LHFPL3: variants seen among roughly 807,000 people sequenced by gnomAD.
LHFPL3 encodes the protein LHFPL tetraspan subfamily member 3 protein.
Under a neutral mutation model 19.3 loss-of-function variants are expected in LHFPL3, and 5 were observed. The ratio of observed to expected loss-of-function variants is 0.26; its 90% CI spans 0.14 to 0.54. The LOEUF (loss-of-function observed/expected upper bound fraction) is 0.54. Ranked by LOEUF, LHFPL3 falls within the 20% of genes least tolerant of loss-of-function variation. The pLI, the probability that LHFPL3 is intolerant of heterozygous loss-of-function variation, is 0.94. For synonymous variants in LHFPL3, 133 were observed against 126.2 expected (o/e 1.05, Z -0.36); for missense variants, 249 against 307.4 (o/e 0.81, Z 1.42).
intron 1 of LHFPL3, among the ~76,000 whole-genome samples, chr7:104,412,232 T>C (rs1371283373): frequency 3.3e-5 from 5 of 152,138 alleles, no homozygotes; most frequent in Non-Finnish European, 7.3e-5. Flanking sequence ...AGCAATCCCT[T>C]GAGGGGGTGT....
intron 1 of LHFPL3, among the ~76,000 whole-genome samples, chr7:104,527,854 G>C (rs761653476): frequency 6.6e-6 from 1 of 152,184 alleles, no homozygotes; most frequent in African/African-American, 2.4e-5. Flanking sequence ...ATTTACTACT[G>C]TCTCCCCACC....
At chr7:104,729,093 C>G (rs1212642547) in intron 1 of LHFPL3, among the ~76,000 whole-genome samples, 2 of 152,152 alleles carry the variant, frequency 1.3e-5, no homozygotes, top group African/African-American at 4.8e-5. Flanking sequence ...TCCAGGATTT[C>G]TTAATTTCCA....
chr7:104,374,752 T>C (rs114351855), intron 1 of LHFPL3, among the ~76,000 whole-genome samples: 194 of 152,272 alleles, frequency 1.3e-3, no homozygotes, highest in African/African-American at 4.2e-3. Flanking sequence ...GTTATGTGAA[T>C]GATTCTGGAA....
At chr7:104,591,304 G>T (rs947129410) in intron 1 of LHFPL3, among the ~76,000 whole-genome samples, 1 of 152,150 alleles carries the variant, frequency 6.6e-6, no homozygotes, top group Non-Finnish European at 1.5e-5. Context: ...TGTAAGGCAG[G>T]CCTGATGGTG....
chr7:104,360,557 T>C (rs746751402), intron 1 of LHFPL3, among the ~76,000 whole-genome samples: 8 of 152,134 alleles, frequency 5.3e-5, no homozygotes, highest in East Asian at 1.9e-4. Context: ...GTCTGCCTTA[T>C]AGCAGGTGAG....
chr7:104,563,739 C>T (rs1011502774), intron 1 of LHFPL3, among the ~76,000 whole-genome samples: 1 of 150,974 alleles, frequency 6.6e-6, no homozygotes, highest in Admixed American at 6.6e-5. Flanking sequence ...GGAAGTAGGC[C>T]CTCACCACAC....
chr7:104,724,855 G>A (rs1793562185), intron 1 of LHFPL3, among the ~76,000 whole-genome samples: 1 of 152,154 alleles, frequency 6.6e-6, no homozygotes, highest in Non-Finnish European at 1.5e-5. Flanking sequence ...GTAGCCTGAA[G>A]GAGACCCGAA....
At chr7:104,500,924 C>T (rs1584362718) in intron 1 of LHFPL3, among the ~76,000 whole-genome samples, 1 of 152,252 alleles carries the variant, frequency 6.6e-6, no homozygotes, top group East Asian at 1.9e-4. Flanking sequence ...CCTGAGATGC[C>T]CTCTCAAACC....
At chr7:104,779,059 A>C (rs969798238) in intron 2 of LHFPL3, among the ~76,000 whole-genome samples, 1 of 152,188 alleles carries the variant, frequency 6.6e-6, no homozygotes, top group Non-Finnish European at 1.5e-5. Flanking sequence ...CATGTATTAT[A>C]ATCACAGGTG....
rs563924420 is a variant in LHFPL3 at position 104,361,913 on chromosome 7, CTG to C, written c.445+32692_445+32693del. 3.3e-3 allele frequency among the ~76,000 whole-genome samples: 508 copies of C among 152,350 alleles called. 3 individuals carry two copies. Among genetic ancestry groups the C allele is most frequent in the African/African-American group, 0.011 (474 of 41,582 alleles). ...GTAAGATTTGATGCTGCAAGAATAA[CTG>C]TGATTATTGGTCAGAAATCACTTTG... On this transcript the variant is annotated intron_variant, in intron 1 of 2. Transcript: ENST00000424859.
At chr7:104,452,457 A>C (rs1171813547) in intron 1 of LHFPL3, among the ~76,000 whole-genome samples, 1 of 152,170 alleles carries the variant, frequency 6.6e-6, no homozygotes, top group Non-Finnish European at 1.5e-5. Context: ...TTCTGGGTCC[A>C]AGGGCTTGCC....
intron 1 of LHFPL3, among the ~76,000 whole-genome samples, chr7:104,659,362 G>C (rs955580591): frequency 6.6e-6 from 1 of 152,218 alleles, no homozygotes; most frequent in Non-Finnish European, 1.5e-5. Context: ...TTCCTCCTAA[G>C]TATGGCACCC....
At chr7:104,433,878 G>A (rs907640138) in intron 1 of LHFPL3, among the ~76,000 whole-genome samples, 2 of 152,096 alleles carry the variant, frequency 1.3e-5, no homozygotes, top group African/African-American at 4.8e-5. Flanking sequence ...GGAGTTCCTA[G>A]CACAGTGCCC....
At chr7:104,883,762 A>G (rs1792096640) in intron 2 of LHFPL3, among the ~76,000 whole-genome samples, 2 of 152,204 alleles carry the variant, frequency 1.3e-5, no homozygotes, top group South Asian at 4.1e-4. Context: ...ATATTTTAAG[A>G]ATCTTCCATA....
intron 2 of LHFPL3, among the ~76,000 whole-genome samples, chr7:104,874,951 A>T (rs1235394321): frequency 6.6e-6 from 1 of 151,074 alleles, no homozygotes; most frequent in Non-Finnish European, 1.5e-5. Context: ...GGCTCAAGTG[A>T]TCCTCCTGCC....
At chr7:104,524,651 T>C (rs1414408283) in intron 1 of LHFPL3, among the ~76,000 whole-genome samples, 2 of 152,196 alleles carry the variant, frequency 1.3e-5, no homozygotes, top group African/African-American at 4.8e-5. Flanking sequence ...TATAAAATCT[T>C]ATCCACAAAA....
chr7:104,743,660 CCTGT>C (rs959533648), intron 2 of LHFPL3, among the ~76,000 whole-genome samples: 2 of 152,050 alleles, frequency 1.3e-5, no homozygotes, highest in Non-Finnish European at 2.9e-5. Context: ...CTGCAATAAC[CCTGT>C]GAGATGTTTA....
intron 2 of LHFPL3, among the ~76,000 whole-genome samples, chr7:104,837,911 A>G (rs1052948636): frequency 6.6e-6 from 1 of 152,232 alleles, no homozygotes; most frequent in African/African-American, 2.4e-5. Context: ...GAACGAATAA[A>G]TGTTTAATGC....
At chr7:104,569,815 C>T (rs1009546352) in intron 1 of LHFPL3, among the ~76,000 whole-genome samples, 3 of 152,236 alleles carry the variant, frequency 2.0e-5, no homozygotes, top group African/African-American at 2.4e-5. Flanking sequence ...TGCCCCAGGT[C>T]ACGTAACCTG....
Sources: gnomAD v4.1 joint callset for allele counts (sites outside exome capture counted in the v4.1 genomes callset) on GRCh38, gnomAD v4.1.1 for gene constraint, MANE v1.5 for transcripts, NCBI Gene and HGNC (gene_info 2026-07-23, HGNC 2026-07-21) for gene names.